The following IFI44L variants were observed in gnomAD, a reference collection of about 807,000 sequenced individuals.
IFI44L encodes the protein interferon-induced protein 44-like.
Under a neutral mutation model 39.3 loss-of-function variants are expected in IFI44L, and 40 were observed. The observed-to-expected ratio is 1.02, with a 90% CI of 0.79 to 1.33. The LOEUF is 1.33. IFI44L is among the 40% of genes most tolerant of loss of function. The pLI, the probability that IFI44L is intolerant of heterozygous loss-of-function variation, is 0.00. For synonymous variants in IFI44L, 198 were observed against 182.3 expected (o/e 1.09, Z -0.69); for missense variants, 623 against 549.0 (o/e 1.13, Z -1.35).
At chr1:78,640,309 G>C (rs1437765191) in intron 6 of IFI44L, among the ~76,000 whole-genome samples, 1 of 152,058 alleles carries the variant, frequency 6.6e-6, no homozygotes, top group Admixed American at 6.6e-5. Flanking sequence ...TGTCAACTGA[G>C]AACTGCTCTC....
At chr1:78,640,082 C>G (rs1273167056) in intron 6 of IFI44L, among the ~76,000 whole-genome samples, 1 of 151,952 alleles carries the variant, frequency 6.6e-6, no homozygotes, top group Non-Finnish European at 1.5e-5. Context: ...TATATAAGTA[C>G]TTAACAGCTC....
chr1:78,641,014 G>A lies in IFI44L; in HGVS notation c.1049-7G>A. On this transcript the variant is annotated splice_polypyrimidine_tract_variant and splice_region_variant and intron_variant, in intron 6 of 8. Transcript: ENST00000370751. ...TATAAAATAACTGATTTATCTATTT[G>A]ATATAGGTATAGCATATGTGGCCTT... 1 of 1,579,982 alleles carries A rather than the reference G, an allele frequency of 6.3e-7. No individual in the cohort carries two copies.
intron 4 of IFI44L, among the ~76,000 whole-genome samples, chr1:78,630,517 T>G (rs1327981963): frequency 6.6e-6 from 1 of 152,188 alleles, no homozygotes; most frequent in Admixed American, 6.6e-5. Context: ...AGAAAATTCT[T>G]TCTTGTTTAT....
At position 78,637,041 on chromosome 1, in the gene IFI44L, C is replaced by T. The variant is rs1981071; in HGVS notation, c.886C>T (p.Arg296Cys). ...CMPDRYQFNSRKPITPEHSTF... is the reference protein window; with the variant it reads ...CMPDRYQFNSCKPITPEHSTF... ...TATGTTTTTATAACAGTTTAATTCC[C>T]GTAAACCAATTACACCTGAGCATTC... is the stretch of plus-strand genomic sequence containing the variant. The change falls in exon 6 of 9, where the codon CGT becomes TGT. Residue 296 changes from arginine to cysteine, a missense_variant. Coordinates refer to ENST00000370751, the MANE Select transcript of IFI44L (RefSeq NM_006820.4). The T allele has an allele frequency of 0.071, 114,850 of 1,607,904 alleles. 7,491 individuals are homozygous for T. The highest frequency in any genetic ancestry group is 0.42 in the East Asian group (18,751 of 44,594).
intron 1 of IFI44L, among the ~76,000 whole-genome samples, chr1:78,624,391 G>C (rs1171932160): frequency 1.3e-5 from 2 of 152,150 alleles, no homozygotes; most frequent in African/African-American, 2.4e-5. Flanking sequence ...TAATTTTCTA[G>C]ATTTTCTGAT....
chr1:78,621,703 G>T (rs1387427678), intron 1 of IFI44L, among the ~76,000 whole-genome samples: 1 of 151,846 alleles, frequency 6.6e-6, no homozygotes, highest in African/African-American at 2.4e-5. Flanking sequence ...ATGATCTCTA[G>T]TATAATTTGT....
intron 1 of IFI44L, chr1:78,627,485 A>G (rs1652535304): frequency 6.6e-6 from 1 of 152,256 alleles, no homozygotes; most frequent in African/African-American, 2.4e-5. Context: ...AGAAAATTTT[A>G]TTGGAACACA....
At chr1:78,623,396 GTTTTTTTTTTTTTTT>G (rs71078508) in intron 1 of IFI44L, among the ~76,000 whole-genome samples, 22 of 121,320 alleles carry the variant, frequency 1.8e-4, no homozygotes, top group Admixed American at 6.6e-4. Flanking sequence ...AGTGTTTTTT[GTTTTTTTTTTTTTTT>G]TTTTTTTTTT....
intron 1 of IFI44L, among the ~76,000 whole-genome samples, chr1:78,622,467 G>T (rs1652311725): frequency 1.3e-5 from 2 of 151,912 alleles, no homozygotes; most frequent in Admixed American, 1.3e-4. Context: ...CATATTGATT[G>T]TATTCAGCTA....
chr1:78,641,532 T>A lies in IFI44L; in HGVS notation c.1247T>A (p.Ile416Asn). 1 of 1,613,792 alleles carries A rather than the reference T, an allele frequency of 6.2e-7. No homozygotes were observed. Among genetic ancestry groups the A allele is most frequent in the Admixed American group, 1.7e-5 (1 of 59,988 alleles). Residue 416 changes from isoleucine (I) to asparagine (N), a missense_variant, in exon 8 of 9, where the codon ATT becomes AAT. Transcript: ENST00000370751. The stretch of plus-strand genomic sequence containing the variant: ...TTGGAACTGGACCCCATGAAGGATA[T>A]TCTCATCCTCTCTGCACTGAGGCAG... Reference protein sequence around the residue: ...SDLELDPMKDILILSALRQML... With the variant: ...SDLELDPMKDNLILSALRQML...
intron 6 of IFI44L, among the ~76,000 whole-genome samples, chr1:78,638,753 TA>T (rs1291420666): frequency 6.6e-6 from 1 of 152,172 alleles, no homozygotes; most frequent in African/African-American, 2.4e-5. Flanking sequence ...TAAGCATTTT[TA>T]TGATGGTTGC....
rs1387040062 is a variant in IFI44L at position 78,628,181 on chromosome 1, A to G, written c.266A>G (p.Lys89Arg). 1.2e-6 allele frequency: 2 copies of G among 1,612,740 alleles called. No individual in the cohort carries two copies. Among genetic ancestry groups the G allele is most frequent in the Admixed American group, 1.7e-5 (1 of 59,848 alleles). The change falls in exon 2 of 9, where the codon AAG becomes AGG. Residue 89 changes from lysine to arginine, a missense_variant. Lys to Arg is a conservative substitution (Grantham distance 26, BLOSUM62 2). Coordinates refer to ENST00000370751, the MANE Select transcript of IFI44L (RefSeq NM_006820.4). ...PNDSLWFSLQ[K>R]KNDTTEIETL... ...GATTCCCTATGGTTTTCACTTCAAAAGAAAAATGACACCACTGAAATAGAA... is the reference window on the plus strand; with the variant it reads ...GATTCCCTATGGTTTTCACTTCAAAGGAAAAATGACACCACTGAAATAGAA...
intron 1 of IFI44L, chr1:78,626,486 A>T (rs1237073239): frequency 6.6e-6 from 1 of 152,080 alleles, no homozygotes; most frequent in Admixed American, 6.6e-5. Context: ...TATTTAAAAA[A>T]TCATAGAGAT....
chr1:78,632,218 C>A (rs1019274031), intron 4 of IFI44L, among the ~76,000 whole-genome samples: 2 of 152,074 alleles, frequency 1.3e-5, no homozygotes, highest in South Asian at 4.1e-4. Context: ...TGCAAATGCT[C>A]AAGTGACCCT....
intron 3 of IFI44L, chr1:78,629,489 A>T (rs972826112): frequency 4.8e-6 from 2 of 412,688 alleles, no homozygotes; most frequent in African/African-American, 4.1e-5. Flanking sequence ...TTGCAGGTTA[A>T]TATTTAACTT....
chr1:78,645,482 G>A lies in IFI44L; in HGVS notation c.*3673G>A, dbSNP rs1012464684. The A allele has an allele frequency of 1.3e-5, 2 of 152,120 alleles. No individual in the cohort carries two copies. The highest frequency in any genetic ancestry group is 4.8e-5 in the African/African-American group (2 of 41,436). 9.4% of individuals were successfully genotyped at this position (152,120 alleles called of 1,614,324 possible). A position where few individuals can be genotyped will look rare whatever the true frequency, so the allele number is the denominator to read the frequency against. ...ATCACATTGCTTTTTCATAAAACAAGACAGGTCTACAATTAATTTATTTTG... is the reference window on the plus strand; with the variant it reads ...ATCACATTGCTTTTTCATAAAACAAAACAGGTCTACAATTAATTTATTTTG... On this transcript the variant is annotated 3_prime_UTR_variant, in exon 9 of 9. Coordinates refer to ENST00000370751, the MANE Select transcript of IFI44L (RefSeq NM_006820.4).
At chr1:78,621,898 A>C (rs1052882558) in intron 1 of IFI44L, among the ~76,000 whole-genome samples, 2 of 152,120 alleles carry the variant, frequency 1.3e-5, no homozygotes, top group Non-Finnish European at 2.9e-5. Flanking sequence ...TGTGGTTTCC[A>C]TCGCTTTGAG....
At chr1:78,640,298 G>T (rs1439344012) in intron 6 of IFI44L, among the ~76,000 whole-genome samples, 1 of 152,014 alleles carries the variant, frequency 6.6e-6, no homozygotes, top group Non-Finnish European at 1.5e-5. Flanking sequence ...AAAATTATAG[G>T]TGTCAACTGA....
At position 78,641,969 on chromosome 1, in the gene IFI44L, A is replaced by G; in HGVS notation, c.*160A>G. ...CAAGTTCAAAGGCCAAAACCTGAGA[A>G]GCGGTGGGCTAAGATAGGTCCTACT... On this transcript the variant is annotated 3_prime_UTR_variant, in exon 9 of 9. Transcript: ENST00000370751. The G allele has an allele frequency of 1.3e-6, 1 of 779,872 alleles. No homozygotes were observed. 48.3% of individuals were successfully genotyped at this position (779,872 alleles called of 1,614,324 possible).
Sources: gnomAD v4.1 joint callset for allele counts (sites outside exome capture counted in the v4.1 genomes callset) on GRCh38, gnomAD v4.1.1 for gene constraint, MANE v1.5 for transcripts, NCBI Gene and HGNC (gene_info 2026-07-23, HGNC 2026-07-21) for gene names.